ZNF597: variants seen among roughly 807,000 people sequenced by gnomAD.
The protein encoded by ZNF597 is zinc finger protein 597.
A neutral mutation model predicts 7.3 loss-of-function variants in ZNF597; 5 were observed. The observed-to-expected ratio is 0.68, with a 90% CI of 0.36 to 1.44. The LOEUF (loss-of-function observed/expected upper bound fraction) is 1.44. Ranked by LOEUF, ZNF597 falls within the 40% of genes most tolerant of loss-of-function variation. The pLI is 0.04. For missense variants in ZNF597, 585 were observed against 517.9 expected, an observed-to-expected ratio of 1.13 and a Z score of -1.26; for synonymous variants, 209 against 185.4, an observed-to-expected ratio of 1.13 and a Z score of -1.04.
Position 3,436,411 on chromosome 16 carries a change from T to G in ZNF597, c.*13A>C. ...AAAAGCCCAATCACTAATAACAATT[T>G]GTTATATTTACTTTACGTGGTGTTT... On this transcript the variant is annotated 3_prime_UTR_variant, in exon 4 of 4. Transcript: ENST00000301744. 1 of 1,608,178 alleles carries G rather than the reference T, an allele frequency of 6.2e-7. No homozygotes were observed. The highest frequency in any genetic ancestry group is 8.5e-7 in the Non-Finnish European group (1 of 1,176,642).
chr16:3,440,704 G>A, intron 3 of ZNF597, 103 bp downstream of exon 3: 2 of 1,414,492 alleles, frequency 1.4e-6, no homozygotes, highest in African/African-American at 1.4e-5. Flanking sequence ...ATAAATTACT[G>A]AGGGACAGGT....
At chr16:3,438,870 C>T (rs1300222453) in intron 3 of ZNF597, among the ~76,000 whole-genome samples, 4 of 152,172 alleles carry the variant, frequency 2.6e-5, no homozygotes, top group African/African-American at 4.8e-5. Context: ...CTTTTCTTTC[C>T]AGAGAAACAA....
At position 3,436,460 on chromosome 16, in the gene ZNF597, A is replaced by T. The variant is rs1456881087; in HGVS notation, c.1239T>A (p.Ile413=). 1.2e-6 allele frequency: 2 copies of T among 1,614,208 alleles called. No individual in the cohort carries two copies. Among genetic ancestry groups the T allele is most frequent in the Non-Finnish European group, 1.7e-6 (2 of 1,180,028 alleles). ...TTTTTATGTGAGTTCGCTTATGAGT[A>T]ATGAGATGCAAATTCGACTTGAAAG... ...GKTFKSNLHL[I]THKRTHIKNT... Residue 413 remains isoleucine, a synonymous_variant, in exon 4 of 4, where the codon ATT becomes ATA. Coordinates refer to ENST00000301744, the MANE Select transcript of ZNF597 (RefSeq NM_152457.3).
At position 3,443,150 on chromosome 16, in the gene ZNF597, C is replaced by G; in HGVS notation, c.4G>C (p.Ala2Pro). The change falls in exon 2 of 4, where the codon GCG (alanine) becomes CCG (proline). Residue 2 changes from alanine to proline, a missense_variant. Physicochemically the swap from Ala to Pro is conservative, Grantham distance 27. Coordinates refer to ENST00000301744, the MANE Select transcript of ZNF597 (RefSeq NM_152457.3). The stretch of plus-strand genomic sequence containing the variant: ...GCCTCGGGCGTCGGGGGCATGGACG[C>G]CATTTGGCGGGTGGGGAATGCCTTC... The part of the protein sequence containing the change: M[A>P]SMPPTPEAQG... The G allele has an allele frequency of 1.9e-6, 3 of 1,613,146 alleles. No homozygotes were observed. Among genetic ancestry groups the G allele is most frequent in the African/African-American group, 1.3e-5 (1 of 74,986 alleles).
chr16:3,436,608 G>C lies in ZNF597; in HGVS notation c.1091C>G (p.Thr364Arg), dbSNP rs1362332719. 5 of 1,605,614 alleles carry C rather than the reference G, an allele frequency of 3.1e-6. No homozygotes were observed. The highest frequency in any genetic ancestry group is 2.2e-5 in the East Asian group (1 of 44,688). Residue 364 changes from threonine to arginine, a missense_variant, in exon 4 of 4, where the codon ACA (threonine) becomes AGA (arginine). Physicochemically the swap from Thr to Arg is moderately conservative, Grantham distance 71. Transcript: ENST00000301744. ...SELISHQNIH[T>R]EERPHKCKTC... ...TTTGCACTTATGGGGCCTTTCCTCT[G>C]TATGAATGTTCTGATGGGAAATAAG...
chr16:3,437,018 T>C lies in ZNF597; in HGVS notation c.681A>G (p.Leu227=), dbSNP rs35549607. The C allele has an allele frequency of 4.8e-4, 770 of 1,614,210 alleles. 4 individuals are homozygous for C. In the African/African-American group the frequency reaches 7.4e-3, roughly 15 times the overall value. ...CSASFRQHSH[L]SRHMNSHVKE... ...TTACGTGGCTATTCATGTGTCGGGA[T>C]AGATGAGAGTGCTGGCGAAAGCTGG... Residue 227 remains leucine, a synonymous_variant, in exon 4 of 4, where the codon CTA becomes CTG. Coordinates refer to ENST00000301744, the MANE Select transcript of ZNF597 (RefSeq NM_152457.3).
In ZNF597 at chr16:3,443,102, A is replaced by C. The variant is rs13332163; in HGVS notation, c.33+19T>G. The C allele has an allele frequency of 6.6e-3, 10,575 of 1,614,110 alleles. 577 individuals are homozygous for C. In the African/African-American group the frequency reaches 0.12, roughly 18 times the overall value. On this transcript the variant is annotated intron_variant, in intron 2 of 3. Coordinates refer to ENST00000301744, the MANE Select transcript of ZNF597 (RefSeq NM_152457.3). ...CGAAAGCAGCAATAAACTTGGACGA[A>C]AAAGGTACCTCGACTCACCTGGGCC... is the stretch of plus-strand genomic sequence containing the variant.
At chr16:3,443,019 A>G (rs1347882361) in intron 2 of ZNF597, 102 bp downstream of exon 2, 2 of 1,411,998 alleles carry the variant, frequency 1.4e-6, no homozygotes. Flanking sequence ...GCTCAGGAGC[A>G]CTCCTACCAC....
At position 3,443,411 on chromosome 16, in the gene ZNF597, G is replaced by C. The variant is rs1013788427; in HGVS notation, c.-105C>G. 2.0e-4 allele frequency: 104 copies of C among 526,306 alleles called. No homozygotes were observed. The highest frequency in any genetic ancestry group is 2.7e-4 in the Non-Finnish European group (82 of 301,674). 32.6% of individuals were successfully genotyped at this position (526,306 alleles called of 1,614,324 possible). A position where few individuals can be genotyped will look rare whatever the true frequency, so the allele number is the denominator to read the frequency against. On this transcript the variant is annotated 5_prime_UTR_variant, in exon 1 of 4. Coordinates refer to ENST00000301744, the MANE Select transcript of ZNF597 (RefSeq NM_152457.3). ...CGCTCCCTGACAGGAGCTGCAGAAAGCGACGCCCGACCGAGACGCGACGAA... is the reference window on the plus strand; with the variant it reads ...CGCTCCCTGACAGGAGCTGCAGAAACCGACGCCCGACCGAGACGCGACGAA...
chr16:3,433,865 C>T lies in ZNF597; in HGVS notation c.*2559G>A, dbSNP rs2034275747. The T allele has an allele frequency of 6.6e-6, 1 of 152,042 alleles. No homozygotes were observed. The highest frequency in any genetic ancestry group is 2.4e-5 in the African/African-American group (1 of 41,386). 9.4% of individuals were successfully genotyped at this position (152,042 alleles called of 1,614,324 possible). On this transcript the variant is annotated 3_prime_UTR_variant, in exon 4 of 4. Coordinates refer to ENST00000301744, the MANE Select transcript of ZNF597 (RefSeq NM_152457.3). ...CATACTAATCATTAACAGTATTATA[C>T]CAAAAAGCCATTTTAGTTCTACCCA...
intron 2 of ZNF597, among the ~76,000 whole-genome samples, chr16:3,442,859 CA>C (rs1233065104): frequency 3.3e-5 from 5 of 152,108 alleles, no homozygotes; most frequent in African/African-American, 1.2e-4. Flanking sequence ...CCAAACAAAA[CA>C]AAACAAACAG....
In ZNF597 at chr16:3,443,158, C is replaced by T. The variant is rs775145002; in HGVS notation, c.-5G>A. ...CGTCGGGGGCATGGACGCCATTTGG[C>T]GGGTGGGGAATGCCTTCTTCAAGAC... On this transcript the variant is annotated 5_prime_UTR_variant, in exon 2 of 4. Coordinates refer to ENST00000301744, the MANE Select transcript of ZNF597 (RefSeq NM_152457.3). The T allele has an allele frequency of 3.1e-6, 5 of 1,612,166 alleles. No individual in the cohort carries two copies. Among genetic ancestry groups the T allele is most frequent in the South Asian group, 1.1e-5 (1 of 90,826 alleles).
At chr16:3,441,957 G>C (rs1214828979) in intron 2 of ZNF597, among the ~76,000 whole-genome samples, 1 of 149,766 alleles carries the variant, frequency 6.7e-6, no homozygotes, top group Non-Finnish European at 1.5e-5. Flanking sequence ...TCCAGCCTAG[G>C]CGTCGCAGCG....
chr16:3,442,727 G>A (rs1180928094), intron 2 of ZNF597, among the ~76,000 whole-genome samples: 1 of 151,016 alleles, frequency 6.6e-6, no homozygotes, highest in Non-Finnish European at 1.5e-5. Flanking sequence ...TGGTATGCGC[G>A]CCTCTCAGAT....
chr16:3,438,736 T>C (rs2034332284), intron 3 of ZNF597, among the ~76,000 whole-genome samples: 1 of 152,182 alleles, frequency 6.6e-6, no homozygotes, highest in African/African-American at 2.4e-5. Flanking sequence ...GGTAGAAGGC[T>C]GTGTGTACTG....
rs950725800 is a variant in ZNF597, at chr16:3,433,593, C to T, written c.*2831G>A. ...AGCACCTAACATGGAAGGCTAGTATCTGAGTTAATGACAATTTTATGGAAT... is the reference window on the plus strand; with the variant it reads ...AGCACCTAACATGGAAGGCTAGTATTTGAGTTAATGACAATTTTATGGAAT... On this transcript the variant is annotated 3_prime_UTR_variant, in exon 4 of 4. Transcript: ENST00000301744. 3 of 152,094 alleles carry T rather than the reference C, an allele frequency of 2.0e-5. No individual in the cohort carries two copies. The highest frequency in any genetic ancestry group is 7.3e-5 in the African/African-American group (3 of 41,376). 9.4% of individuals were successfully genotyped at this position (152,094 alleles called of 1,614,324 possible). A position where few individuals can be genotyped will look rare whatever the true frequency, so the allele number is the denominator to read the frequency against.
rs142079985 is a variant in ZNF597, at chr16:3,439,215, CA to C, written c.160+1591del. 5.2e-4 allele frequency among the ~76,000 whole-genome samples: 75 copies of C among 143,826 alleles called. 1 individual carries two copies. Among genetic ancestry groups the C allele is most frequent in the East Asian group, 2.4e-3 (12 of 4,958 alleles). 94.4% of individuals were successfully genotyped at this position (143,826 alleles called of 152,430 possible). On this transcript the variant is annotated intron_variant, in intron 3 of 3. Transcript: ENST00000301744. ...GCAACATGGCAAAGCCCCATCCCTA[CA>C]AAAAAAAAACAACAAAAAAAGACAA...
rs377115001 is a variant in ZNF597, at chr16:3,443,064, G to T, written c.33+57C>A. Reference sequence around the variant, plus strand: ...GCCCAACTCTCCTCCAAAGGAGGGGGTCAGGCAGAGACCGAAAGCAGCAAT... The same window carrying T: ...GCCCAACTCTCCTCCAAAGGAGGGGTTCAGGCAGAGACCGAAAGCAGCAAT... On this transcript the variant is annotated intron_variant, in intron 2 of 3. Coordinates refer to ENST00000301744, the MANE Select transcript of ZNF597 (RefSeq NM_152457.3). 3.2e-5 allele frequency: 51 copies of T among 1,608,770 alleles called. No individual in the cohort carries two copies. In the South Asian group the frequency reaches 4.6e-4, roughly 15 times the overall value.
At chr16:3,437,593 G>A (rs1450975568) in intron 3 of ZNF597, 55 bp from the exon 4 acceptor site, 4 of 1,520,534 alleles carry the variant, frequency 2.6e-6, no homozygotes, top group Non-Finnish European at 3.5e-6. Flanking sequence ...AAGGGATACT[G>A]GGGAAAAAGT....
Sources: gnomAD v4.1 joint callset for allele counts (sites outside exome capture counted in the v4.1 genomes callset) on GRCh38, gnomAD v4.1.1 for gene constraint, MANE v1.5 for transcripts, NCBI Gene and HGNC (gene_info 2026-07-23, HGNC 2026-07-21) for gene names.